Variants in GPR158 observed in about 807,000 individuals in gnomAD.
GPR158 encodes the protein G protein-coupled receptor 158.
A neutral mutation model predicts 78.2 loss-of-function variants in GPR158; 30 were observed. The observed-to-expected ratio is 0.38, with a 90% confidence interval of 0.29 to 0.52. GPR158 has a LOEUF of 0.52. Among genes scored for constraint, GPR158 ranks in the 20% least tolerant of loss-of-function variants. The probability of loss-of-function intolerance (pLI) is 0.83; values close to 1 mark genes in which losing one functional copy is unlikely to be tolerated. For synonymous variants in GPR158, 581 were observed against 591.1 expected, an observed-to-expected ratio of 0.98 and a Z score of 0.25; for missense variants, 1,463 against 1,523.5, an observed-to-expected ratio of 0.96 and a Z score of 0.66.
intron 2 of GPR158, among the ~76,000 whole-genome samples, chr10:25,270,757 A>G (rs1486635963): frequency 6.6e-6 from 1 of 152,098 alleles, no homozygotes; most frequent in Non-Finnish European, 1.5e-5. Context: ...ATTTTTGTCT[A>G]CTTGTCTTGA....
intron 7 of GPR158, among the ~76,000 whole-genome samples, chr10:25,585,393 G>A (rs1440922602): frequency 6.6e-6 from 1 of 152,234 alleles, no homozygotes; most frequent in Non-Finnish European, 1.5e-5. Context: ...CTGCCCCGTA[G>A]TTCATAACTA....
chr10:25,196,671 C>T (rs1852849122), intron 1 of GPR158, among the ~76,000 whole-genome samples: 1 of 152,186 alleles, frequency 6.6e-6, no homozygotes, highest in South Asian at 2.1e-4. Flanking sequence ...GCAGTCTCTG[C>T]CCCACCCTGG....
intron 4 of GPR158, among the ~76,000 whole-genome samples, chr10:25,424,322 G>A (rs1834790898): frequency 1.3e-5 from 2 of 152,174 alleles, no homozygotes; most frequent in South Asian, 4.1e-4. Context: ...CTCCCATTCT[G>A]TAGGTTGCCT....
chr10:25,527,170 A>AGAT (rs1836359849), intron 5 of GPR158, among the ~76,000 whole-genome samples: 1 of 152,236 alleles, frequency 6.6e-6, no homozygotes, highest in African/African-American at 2.4e-5. Flanking sequence ...CTAAAAGGAT[A>AGAT]GATGAATTCA....
At chr10:25,291,711 G>A (rs1854438102) in intron 2 of GPR158, among the ~76,000 whole-genome samples, 1 of 152,020 alleles carries the variant, frequency 6.6e-6, no homozygotes, top group Middle Eastern at 3.4e-3. Context: ...TAGACAAAGT[G>A]TTAACATCTT....
At chr10:25,208,051 A>G (rs540193840) in intron 1 of GPR158, among the ~76,000 whole-genome samples, 1 of 152,328 alleles carries the variant, frequency 6.6e-6, no homozygotes, top group South Asian at 2.1e-4. Context: ...GGAACGACCT[A>G]AACACTTGTA....
chr10:25,482,921 C>A (rs943212111), intron 5 of GPR158, among the ~76,000 whole-genome samples: 1 of 152,144 alleles, frequency 6.6e-6, no homozygotes, highest in Non-Finnish European at 1.5e-5. Flanking sequence ...ATCTTGACTT[C>A]CTTCTGTCTC....
intron 5 of GPR158, among the ~76,000 whole-genome samples, chr10:25,502,186 GAC>G (rs1376582534): frequency 6.6e-6 from 1 of 152,128 alleles, no homozygotes; most frequent in Admixed American, 6.5e-5. Context: ...CTTCCCCTGA[GAC>G]AGAGATGGGC....
chr10:25,228,847 C>T (rs974241040), intron 2 of GPR158, among the ~76,000 whole-genome samples: 7 of 151,796 alleles, frequency 4.6e-5, no homozygotes, highest in Admixed American at 1.3e-4. Flanking sequence ...CTGGCTAACA[C>T]GGTGAAACCC....
intron 1 of GPR158, among the ~76,000 whole-genome samples, chr10:25,177,806 T>C (rs984811606): frequency 2.0e-5 from 3 of 152,212 alleles, no homozygotes; most frequent in African/African-American, 7.2e-5. Context: ...AGTGCATGTG[T>C]GTGTGTCTTT....
intron 4 of GPR158, among the ~76,000 whole-genome samples, chr10:25,459,835 A>T (rs762549329): frequency 7.8e-5 from 11 of 140,710 alleles, no homozygotes; most frequent in Non-Finnish European, 1.6e-4. Context: ...AATTTGACAT[A>T]TTTTTTTGTC....
intron 5 of GPR158, among the ~76,000 whole-genome samples, chr10:25,532,309 AG>A (rs1836434904): frequency 6.6e-6 from 1 of 152,110 alleles, no homozygotes; most frequent in African/African-American, 2.4e-5. Flanking sequence ...GGCCACTCCC[AG>A]GGACAGGGTA....
At chr10:25,332,386 A>G (rs1290091530) in intron 2 of GPR158, among the ~76,000 whole-genome samples, 1 of 152,218 alleles carries the variant, frequency 6.6e-6, no homozygotes, top group African/African-American at 2.4e-5. Flanking sequence ...TTTGTAGCCT[A>G]TGATGTTGGT....
chr10:25,268,526 C>T (rs890002769), intron 2 of GPR158, among the ~76,000 whole-genome samples: 8 of 152,044 alleles, frequency 5.3e-5, no homozygotes, highest in Non-Finnish European at 1.5e-5. Context: ...GCTGGACCTC[C>T]CCCAAAAACT....
At chr10:25,535,182 T>A (rs759637031) in intron 5 of GPR158, among the ~76,000 whole-genome samples, 2 of 152,228 alleles carry the variant, frequency 1.3e-5, no homozygotes, top group Non-Finnish European at 2.9e-5. Context: ...GGTAAATAAC[T>A]AATAGCTCCA....
chr10:25,236,203 G>T (rs1853522502), intron 2 of GPR158, among the ~76,000 whole-genome samples: 1 of 152,110 alleles, frequency 6.6e-6, no homozygotes, highest in Admixed American at 6.6e-5. Flanking sequence ...TTTGTAGTTT[G>T]CTTTCAAAAA....
chr10:25,325,830 T>C (rs1200515413), intron 2 of GPR158, among the ~76,000 whole-genome samples: 2 of 152,184 alleles, frequency 1.3e-5, no homozygotes, highest in Non-Finnish European at 2.9e-5. Context: ...TATCTCATTG[T>C]GGTTTTTATT....
intron 5 of GPR158, 96 bp downstream of exon 5, chr10:25,466,815 C>CA: frequency 7.3e-6 from 4 of 547,286 alleles, no homozygotes; most frequent in Non-Finnish European, 9.3e-6. Context: ...CATACACACA[C>CA]CCTGGTGTTA....
At chr10:25,591,124 A>G (rs979198565) in intron 8 of GPR158, among the ~76,000 whole-genome samples, 2 of 152,120 alleles carry the variant, frequency 1.3e-5, no homozygotes, top group Non-Finnish European at 2.9e-5. Flanking sequence ...ACCTTAGTAT[A>G]TCACTTTTAG....
Sources: allele counts gnomAD v4.1 joint callset (sites outside exome capture counted in the v4.1 genomes callset), GRCh38; gene constraint gnomAD v4.1.1; transcripts MANE v1.5; gene names NCBI Gene and HGNC (gene_info 2026-07-23, HGNC 2026-07-21).